WWC1: variants seen among roughly 807,000 people sequenced by gnomAD.
WWC1 encodes WW and C2 domain containing 1, also known as protein KIBRA.
In WWC1, 55 loss-of-function variants were observed where a neutral mutation model predicts 138.4. The observed-to-expected ratio is 0.40, with a 90% CI of 0.32 to 0.50. The LOEUF is 0.50. Among genes scored for constraint, WWC1 ranks in the 20% least tolerant of loss-of-function variants. WWC1 has a pLI of 0.72. For missense variants in WWC1, 1,226 were observed against 1,420.4 expected, an observed-to-expected ratio of 0.86 and a Z score of 2.20; for synonymous variants, 524 against 564.9, an observed-to-expected ratio of 0.93 and a Z score of 1.03.
chr5:168,364,783 C>T (rs1040826130), intron 1 of WWC1, among the ~76,000 whole-genome samples: 3 of 152,146 alleles, frequency 2.0e-5, no homozygotes, highest in Non-Finnish European at 4.4e-5. Flanking sequence ...GCCCCAGAGC[C>T]GCCAAAGCTG....
At chr5:168,372,046 AGTGTGTTT>A (rs1776795187) in intron 2 of WWC1, among the ~76,000 whole-genome samples, 2 of 107,226 alleles carry the variant, frequency 1.9e-5, no homozygotes, top group Admixed American at 9.1e-5. Flanking sequence ...AGAGAGAAAG[AGTGTGTTT>A]GTGTGTGTGT....
intron 1 of WWC1, among the ~76,000 whole-genome samples, chr5:168,329,153 G>C (rs961713328): frequency 3.9e-5 from 6 of 152,146 alleles, no homozygotes; most frequent in African/African-American, 1.4e-4. Flanking sequence ...AAGTCCTATC[G>C]GAGAGCTTCC....
intron 21 of WWC1, among the ~76,000 whole-genome samples, chr5:168,467,207 G>A (rs749648298): frequency 8.5e-5 from 13 of 152,332 alleles, no homozygotes; most frequent in East Asian, 1.9e-4. Flanking sequence ...GCAGTGAGCC[G>A]AGATTGCGCC....
At chr5:168,364,008 C>T (rs1425272197) in intron 1 of WWC1, among the ~76,000 whole-genome samples, 2 of 152,032 alleles carry the variant, frequency 1.3e-5, no homozygotes, top group African/African-American at 4.8e-5. Flanking sequence ...TCACAACGCG[C>T]AGAACTCTCT....
intron 1 of WWC1, among the ~76,000 whole-genome samples, chr5:168,367,854 ATAAAT>A (rs887719931): frequency 2.0e-5 from 3 of 152,074 alleles, no homozygotes; most frequent in African/African-American, 4.8e-5. Flanking sequence ...AACACAACAA[ATAAAT>A]TAATAAAAAA....
At chr5:168,403,714 C>G (rs540505035) in intron 5 of WWC1, among the ~76,000 whole-genome samples, 2 of 151,992 alleles carry the variant, frequency 1.3e-5, no homozygotes, top group African/African-American at 2.4e-5. Context: ...CTACAAAGCA[C>G]GAGCCCTGCC....
chr5:168,426,020 C>G (rs1440577925), intron 11 of WWC1, among the ~76,000 whole-genome samples: 1 of 152,214 alleles, frequency 6.6e-6, no homozygotes, highest in Non-Finnish European at 1.5e-5. Context: ...CATGTCAGCT[C>G]TGTGGCTCCA....
intron 1 of WWC1, among the ~76,000 whole-genome samples, chr5:168,315,391 C>T (rs116289194): frequency 0.011 from 1,712 of 152,064 alleles, 28 homozygotes; most frequent in African/African-American, 0.039. Flanking sequence ...AAACCTCTCA[C>T]TCTCTTTGCC....
intron 15 of WWC1, among the ~76,000 whole-genome samples, chr5:168,433,987 A>G (rs1376679435): frequency 1.3e-5 from 2 of 152,244 alleles, no homozygotes; most frequent in East Asian, 1.9e-4. Flanking sequence ...CTCCCTCTGA[A>G]GTCCACACAC....
chr5:168,417,029 A>G (rs1443819099), intron 9 of WWC1, among the ~76,000 whole-genome samples: 2 of 152,038 alleles, frequency 1.3e-5, no homozygotes, highest in Non-Finnish European at 2.9e-5. Context: ...CACCACACCC[A>G]GCTAATTTTT....
chr5:168,458,719 C>T (rs1270890023), intron 19 of WWC1, among the ~76,000 whole-genome samples: 1 of 152,174 alleles, frequency 6.6e-6, no homozygotes, highest in East Asian at 1.9e-4. Flanking sequence ...GTTTCTCTAG[C>T]TATTAAATGC....
At chr5:168,362,645 T>C (rs1226028324) in intron 1 of WWC1, among the ~76,000 whole-genome samples, 1 of 152,218 alleles carries the variant, frequency 6.6e-6, no homozygotes, top group Non-Finnish European at 1.5e-5. Context: ...ATGATTTGGT[T>C]CTCAGAACTG....
chr5:168,444,579 A>G lies in WWC1; in HGVS notation c.2519A>G (p.Asp840Gly), dbSNP rs1755069725. The change falls in exon 17 of 23, where the codon GAC becomes GGC. Residue 840 changes from aspartate to glycine, a missense_variant. Physicochemically the swap from Asp to Gly is moderately conservative, Grantham distance 94. Coordinates refer to ENST00000265293, the MANE Select transcript of WWC1 (RefSeq NM_015238.3). ...AGGAGCAGCACACAGACACTGGAAGACAGCTGGTGAGTGAGCCCGCCCTTG... is the reference window on the plus strand; with the variant it reads ...AGGAGCAGCACACAGACACTGGAAGGCAGCTGGTGAGTGAGCCCGCCCTTG... ...EGRSSTQTLE[D>G]SWRYEETSEN... The G allele has an allele frequency of 1.9e-6, 3 of 1,613,150 alleles. No homozygotes were observed. The East Asian group carries it at 6.7e-5, about 36-fold the overall frequency.
At chr5:168,451,964 G>A (rs1465623042) in intron 17 of WWC1, among the ~76,000 whole-genome samples, 1 of 140,148 alleles carries the variant, frequency 7.1e-6, no homozygotes, top group Non-Finnish European at 1.5e-5. Flanking sequence ...GTAGTGCAGT[G>A]GCACTCTCTC....
intron 3 of WWC1, among the ~76,000 whole-genome samples, chr5:168,394,404 T>G (rs1022768933): frequency 1.3e-5 from 2 of 152,198 alleles, no homozygotes; most frequent in Admixed American, 6.5e-5. Context: ...TGGGGCAAGA[T>G]AGTATTTAAA....
In WWC1 at chr5:168,292,198, C is replaced by G; in HGVS notation, c.46C>G (p.Arg16Gly). The G allele has an allele frequency of 6.4e-7, 1 of 1,557,792 alleles. No homozygotes were observed. Among genetic ancestry groups the G allele is most frequent in the Non-Finnish European group, 8.7e-7 (1 of 1,151,236 alleles). The change falls in exon 1 of 23, where the codon CGC becomes GGC. Residue 16 changes from arginine (R) to glycine (G), a missense_variant. Physicochemically the swap from Arg to Gly is moderately radical, Grantham distance 125. This residue lies in a region of WWC1 where 1,016 missense variants were observed against 1,153.9 expected (regional missense o/e 0.88). Transcript: ENST00000265293. This position sits in a 1 kb window ranked among gnomAD's most constrained non-coding sequence, Gnocchi z 4.4. ...CCTGCCGGAGGGCTGGGAGGAGGCGCGCGACTTCGACGGCAAGGTCTACTA... is the reference window on the plus strand; with the variant it reads ...CCTGCCGGAGGGCTGGGAGGAGGCGGGCGACTTCGACGGCAAGGTCTACTA... ...LPLPEGWEEA[R>G]DFDGKVYYID...
rs1772210772 is a variant in WWC1 at position 168,322,670 on chromosome 5, A to G, written c.119+30399A>G. ...GAGATCAATAATAACAGTGGCTTCA[A>G]GATAGATGTTATCTCTTTGTTACAT... On this transcript the variant is annotated intron_variant, in intron 1 of 22. Coordinates refer to ENST00000265293, the MANE Select transcript of WWC1 (RefSeq NM_015238.3). Among the ~76,000 whole-genome samples, 2 of 152,210 alleles carry G rather than the reference A, an allele frequency of 1.3e-5. 1 individual carries two copies. Among genetic ancestry groups the G allele is most frequent in the Non-Finnish European group, 2.9e-5 (2 of 68,036 alleles).
Position 168,292,257 on chromosome 5 carries a change from C to T in WWC1, c.105C>T (p.Ile35=), listed in dbSNP as rs1714341804. 1 of 1,599,462 alleles carries T rather than the reference C, an allele frequency of 6.3e-7. No individual in the cohort carries two copies. Reference sequence around the variant, plus strand: ...ACACGAACCGCACCACCAGCTGGATCGACCCGCGGGACAGGTAGGACCCTG... The same window carrying T: ...ACACGAACCGCACCACCAGCTGGATTGACCCGCGGGACAGGTAGGACCCTG... ...IDHTNRTTSW[I]DPRDRYTKPL... The change falls in exon 1 of 23, where the codon ATC becomes ATT. Residue 35 remains isoleucine (I), a synonymous_variant. Coordinates refer to ENST00000265293, the MANE Select transcript of WWC1 (RefSeq NM_015238.3). This position sits in a 1 kb window ranked among gnomAD's most constrained non-coding sequence, Gnocchi z 4.4.
At chr5:168,415,849 T>G (rs1780603231) in intron 9 of WWC1, 1 of 115,696 alleles carries the variant, frequency 8.6e-6, no homozygotes, top group African/African-American at 3.5e-5. Context: ...TGTGTGTGTG[T>G]GTGGCATATG....
Sources: gnomAD v4.1 joint callset for allele counts (sites outside exome capture counted in the v4.1 genomes callset) on GRCh38, gnomAD v4.1.1 for gene constraint, gnomAD v4.1.1 regional missense constraint, Gnocchi (gnomAD v3.1) non-coding constraint, MANE v1.5 for transcripts, NCBI Gene and HGNC (gene_info 2026-07-23, HGNC 2026-07-21) for gene names.